LYST: variants seen among roughly 807,000 people sequenced by gnomAD.
LYST encodes the protein lysosomal trafficking regulator, also known as lysosomal-trafficking regulator.
In LYST, 192 loss-of-function variants were observed where a neutral mutation model predicts 413.6. The observed-to-expected ratio is 0.46, with a 90% CI of 0.41 to 0.52. The LOEUF (loss-of-function observed/expected upper bound fraction) is 0.52, where lower values mean the gene tolerates loss of function less well. Ranked by LOEUF, LYST falls within the 20% of genes least tolerant of loss-of-function variation. The probability of loss-of-function intolerance (pLI) is 0.00; values close to 1 mark genes in which losing one functional copy is unlikely to be tolerated. For missense variants in LYST, 3,815 were observed against 4,499.9 expected (o/e 0.85, Z 4.35); for synonymous variants, 1,525 against 1,567.3 (o/e 0.97, Z 0.64).
chr1:235,782,218 G>A (rs1572240513), intron 14 of LYST, 131 bp from the exon 15 acceptor site: 1 of 771,676 alleles, frequency 1.3e-6, no homozygotes, highest in East Asian at 2.9e-5. Flanking sequence ...TCGCTCTGTT[G>A]CCCAGGTTGG....
intron 44 of LYST, among the ~76,000 whole-genome samples, chr1:235,707,527 G>A (rs1050932665): frequency 2.6e-5 from 4 of 152,104 alleles, no homozygotes; most frequent in Admixed American, 2.0e-4. Context: ...GGAGGCTGAG[G>A]CAGGAGAATT....
intron 42 of LYST, chr1:235,712,803 T>G: frequency 1.0e-6 from 1 of 984,840 alleles, no homozygotes; most frequent in African/African-American, 1.7e-5. Context: ...TAGTCACTCT[T>G]TCGTTCATTT....
intron 23 of LYST, 70 bp from the exon 24 acceptor site, chr1:235,757,528 T>G: frequency 1.8e-6 from 2 of 1,114,204 alleles, no homozygotes; most frequent in Non-Finnish European, 2.8e-6. Context: ...TTAGGAACTG[T>G]GACAAGTAGT....
chr1:235,675,492 T>C (rs1659312789), intron 50 of LYST, among the ~76,000 whole-genome samples: 1 of 152,202 alleles, frequency 6.6e-6, no homozygotes, highest in South Asian at 2.1e-4. Flanking sequence ...AGCACCTTTC[T>C]GCAGAAGTAA....
chr1:235,801,225 T>C, intron 8 of LYST, 128 bp from the exon 9 acceptor site: 2 of 681,794 alleles, frequency 2.9e-6, no homozygotes, highest in East Asian at 2.7e-5. Flanking sequence ...CCTTTTCCAA[T>C]CTTTTCCTAT....
In LYST at chr1:235,792,274, A is replaced by G. The variant is rs967281227; in HGVS notation, c.4117-149T>C. The G allele has an allele frequency of 7.9e-6, 5 of 629,162 alleles. No individual in the cohort carries two copies. In the African/African-American group the frequency reaches 9.2e-5, roughly 12 times the overall value. 39.0% of individuals were successfully genotyped at this position (629,162 alleles called of 1,614,324 possible). On this transcript the variant is annotated intron_variant, in intron 11 of 52. Transcript: ENST00000389793. ...ACCTTCCTATCTCCCACATCTTTAA[A>G]ACTTTCATTTTCTCGTAGCTGAGAT...
intron 43 of LYST, 50 bp from the exon 44 acceptor site, chr1:235,709,358 A>G (rs571247059): frequency 7.0e-7 from 1 of 1,429,020 alleles, no homozygotes; most frequent in African/African-American, 1.4e-5. Flanking sequence ...AGCAAGTTTC[A>G]TTCAGCTACA....
chr1:235,802,150 C>T (rs996065701), intron 8 of LYST, among the ~76,000 whole-genome samples: 11 of 142,272 alleles, frequency 7.7e-5, no homozygotes, highest in Middle Eastern at 3.7e-3. Flanking sequence ...GTCGAGATCA[C>T]GCCACTGCAC....
chr1:235,770,370 C>T (rs1668550708), intron 19 of LYST, 73 bp from the exon 20 acceptor site: 4 of 1,266,692 alleles, frequency 3.2e-6, no homozygotes, highest in Non-Finnish European at 4.6e-6. Context: ...GGAAGACACA[C>T]AACGCGCAAC....
intron 2 of LYST, among the ~76,000 whole-genome samples, chr1:235,832,862 C>A (rs1676142102): frequency 6.6e-6 from 1 of 151,924 alleles, no homozygotes; most frequent in Non-Finnish European, 1.5e-5. Flanking sequence ...ATATTTTTGC[C>A]ATTATTATGA....
rs141459226 is a variant in LYST, at chr1:235,775,048, T to C, written c.5499A>G (p.Leu1833=). The C allele has an allele frequency of 6.2e-7, 1 of 1,612,018 alleles. No homozygotes were observed. Residue 1833 remains leucine, a synonymous_variant, in exon 18 of 53, where the codon TTA becomes TTG. Transcript: ENST00000389793. ...ELSSCEETQA[L]ALRVILSLIK... is the part of the protein sequence containing the mutation. ...TTAATGAGAGTATAACTCGCAGTGC[T>C]AATGCTTGAGTTTCTTCACAGCTAC...
chr1:235,806,588 A>T lies in LYST; in HGVS notation c.2548T>A (p.Ser850Thr), dbSNP rs773101011. Residue 850 changes from serine to threonine, a missense_variant, in exon 6 of 53, where the codon TCC becomes ACC. By Grantham distance (58) the Ser-to-Thr change is moderately conservative. This residue lies in a region of LYST where 1,648 missense variants were observed against 1,810.3 expected (regional missense o/e 0.91). Transcript: ENST00000389793. ...AAAGAAGTACCCACATGTACAGAGG[A>T]CAACTCCTTCTGTTCAATGTCTATC... is the stretch of plus-strand genomic sequence containing the variant. ...DGIDIEQKEL[S>T]SVHVGTSFHH... The T allele has an allele frequency of 3.1e-6, 5 of 1,613,732 alleles. No individual in the cohort carries two copies. Among genetic ancestry groups the T allele is most frequent in the Non-Finnish European group, 8.5e-7 (1 of 1,179,756 alleles).
At chr1:235,671,344 G>C (rs896531473) in intron 50 of LYST, among the ~76,000 whole-genome samples, 2 of 152,202 alleles carry the variant, frequency 1.3e-5, no homozygotes. Context: ...AATAGGGATA[G>C]AATGCATTGA....
chr1:235,858,210 C>T (rs1007803074), intron 1 of LYST, among the ~76,000 whole-genome samples: 4 of 152,180 alleles, frequency 2.6e-5, no homozygotes, highest in Non-Finnish European at 5.9e-5. Context: ...TAGAAGGACT[C>T]AGAAAGACTC....
intron 44 of LYST, among the ~76,000 whole-genome samples, chr1:235,706,951 T>A (rs1457162773): frequency 6.6e-6 from 1 of 152,252 alleles, no homozygotes. Flanking sequence ...AGTGGTCTAC[T>A]GTAGGTTCTG....
At chr1:235,732,014 A>G (rs557570844) in intron 34 of LYST, among the ~76,000 whole-genome samples, 1 of 152,316 alleles carries the variant, frequency 6.6e-6, no homozygotes, top group African/African-American at 2.4e-5. Context: ...AGAGAAAAAA[A>G]TACCCTTATT....
chr1:235,802,861 T>C (rs780322125), intron 8 of LYST, 47 bp downstream of exon 8: 2 of 1,588,192 alleles, frequency 1.3e-6, no homozygotes, highest in Non-Finnish European at 1.7e-6. Flanking sequence ...TGCTATTTAA[T>C]GATCTGGCTT....
intron 45 of LYST, among the ~76,000 whole-genome samples, chr1:235,697,909 T>C (rs949732973): frequency 2.6e-5 from 4 of 152,074 alleles, no homozygotes; most frequent in African/African-American, 7.2e-5. Context: ...TGAAGAACAA[T>C]AGGATTTGGG....
chr1:235,693,271 T>C (rs1189754058), intron 47 of LYST, 79 bp downstream of exon 47: 6 of 1,072,052 alleles, frequency 5.6e-6, no homozygotes, highest in Middle Eastern at 3.0e-4. Context: ...AGCCAAGATG[T>C]GTCACTGCGC....
Sources: gnomAD v4.1 joint callset for allele counts (sites outside exome capture counted in the v4.1 genomes callset) on GRCh38, gnomAD v4.1.1 for gene constraint, gnomAD v4.1.1 regional missense constraint, MANE v1.5 for transcripts, NCBI Gene and HGNC (gene_info 2026-07-23, HGNC 2026-07-21) for gene names.